MITF: variants seen among roughly 807,000 people sequenced by gnomAD.
MITF encodes the protein microphthalmia-associated transcription factor.
In MITF, 17 loss-of-function variants were observed where a neutral mutation model predicts 60.5. The observed-to-expected ratio is 0.28, with a 90% CI of 0.19 to 0.42. MITF has a LOEUF of 0.42. Among genes scored for constraint, MITF ranks in the 10% least tolerant of loss-of-function variants. The pLI is 1.00. For synonymous variants in MITF, 260 were observed against 248.5 expected, an observed-to-expected ratio of 1.05 and a Z score of -0.43; for missense variants, 622 against 683.5, an observed-to-expected ratio of 0.91 and a Z score of 1.00.
At chr3:69,906,242 A>G (rs182908797) in intron 2 of MITF, among the ~76,000 whole-genome samples, 252 of 152,066 alleles carry the variant, frequency 1.7e-3, no homozygotes, top group Non-Finnish European at 2.8e-3. Context: ...TTGCCTTTGT[A>G]TGTTTGTCAG....
chr3:69,837,111 C>T (rs568792606), intron 1 of MITF, among the ~76,000 whole-genome samples: 2 of 152,274 alleles, frequency 1.3e-5, no homozygotes, highest in South Asian at 2.1e-4. Context: ...ACTATTTGTC[C>T]CAGATATATC....
chr3:69,939,100 A>G lies in MITF; in HGVS notation c.585A>G (p.Gly195=), dbSNP rs1341232356. ...TGTTTTTGCTTGTGTTTTTGCAGGG[A>G]TTTTATAAGTTTGAAGAGCAAAACA... ...LTLNSNCEKE[G]FYKFEEQNRA... The change falls in exon 4 of 10, where the codon GGA becomes GGG. Residue 195 remains glycine, a splice_region_variant and synonymous_variant. Transcript: ENST00000352241. 1 of 1,613,824 alleles carries G rather than the reference A, an allele frequency of 6.2e-7. No individual in the cohort carries two copies. The highest frequency in any genetic ancestry group is 1.3e-5 in the African/African-American group (1 of 74,918).
At chr3:69,831,579 G>A (rs1056422903) in intron 1 of MITF, among the ~76,000 whole-genome samples, 7 of 152,032 alleles carry the variant, frequency 4.6e-5, no homozygotes. Flanking sequence ...CTTGATTTCC[G>A]GCAAGAGTTT....
At chr3:69,885,070 G>A (rs1299707127) in intron 2 of MITF, among the ~76,000 whole-genome samples, 1 of 152,004 alleles carries the variant, frequency 6.6e-6, no homozygotes, top group Non-Finnish European at 1.5e-5. Context: ...GCACAATCTG[G>A]GTTTTGTACA....
chr3:69,927,925 T>A (rs2065630906), intron 2 of MITF, among the ~76,000 whole-genome samples: 1 of 152,232 alleles, frequency 6.6e-6, no homozygotes, highest in Non-Finnish European at 1.5e-5. Flanking sequence ...TTGTTTTCAA[T>A]TTTTTTATTA....
intron 1 of MITF, among the ~76,000 whole-genome samples, chr3:69,768,408 A>G (rs1212802416): frequency 1.3e-5 from 2 of 152,226 alleles, no homozygotes; most frequent in Non-Finnish European, 2.9e-5. Flanking sequence ...AGCATCTAGA[A>G]TAAGGCATAT....
chr3:69,875,628 C>T (rs532417344), intron 1 of MITF, among the ~76,000 whole-genome samples: 3 of 152,226 alleles, frequency 2.0e-5, no homozygotes, highest in Non-Finnish European at 4.4e-5. Flanking sequence ...TCATTAGTAG[C>T]TTCAGCATCA....
chr3:69,821,676 G>GTAA (rs2063274213), intron 1 of MITF, among the ~76,000 whole-genome samples: 1 of 50,618 alleles, frequency 2.0e-5, no homozygotes, highest in African/African-American at 5.4e-5. Context: ...ATTTAGAAAA[G>GTAA]GAAAAAAAAA....
intron 2 of MITF, among the ~76,000 whole-genome samples, chr3:69,933,866 T>A (rs1333703679): frequency 6.6e-6 from 1 of 152,190 alleles, no homozygotes; most frequent in African/African-American, 2.4e-5. Context: ...TATTTAAAAA[T>A]TAATGAAAGC....
chr3:69,781,584 A>T (rs1333919811), intron 1 of MITF, among the ~76,000 whole-genome samples: 1 of 152,148 alleles, frequency 6.6e-6, no homozygotes, highest in Non-Finnish European at 1.5e-5. Context: ...CGTGTACAAA[A>T]TGTGGGAGTA....
At chr3:69,857,352 G>GCC (rs112664266) in intron 1 of MITF, among the ~76,000 whole-genome samples, 1 of 151,100 alleles carries the variant, frequency 6.6e-6, no homozygotes, top group Admixed American at 6.6e-5. Context: ...CTCAATCCCT[G>GCC]CCCCCCCCAG....
chr3:69,959,178 T>A (rs1026299372), intron 8 of MITF, 95 bp from the exon 9 acceptor site: 212 of 1,456,048 alleles, frequency 1.5e-4, no homozygotes, highest in Non-Finnish European at 1.8e-4. Flanking sequence ...AAAAAAATTT[T>A]AAAAAGTTCA....
intron 2 of MITF, among the ~76,000 whole-genome samples, chr3:69,920,767 G>A (rs2065448459): frequency 6.6e-6 from 1 of 152,170 alleles, no homozygotes; most frequent in African/African-American, 2.4e-5. Flanking sequence ...ATTTGTGGTA[G>A]TGGTTCCCCG....
intron 1 of MITF, among the ~76,000 whole-genome samples, chr3:69,742,691 A>T (rs1391488301): frequency 3.3e-5 from 5 of 152,206 alleles, no homozygotes; most frequent in Admixed American, 2.6e-4. Context: ...TCTTAAGAAC[A>T]TTAAGTGTGA....
At chr3:69,917,506 G>A (rs1186641814) in intron 2 of MITF, among the ~76,000 whole-genome samples, 2 of 151,632 alleles carry the variant, frequency 1.3e-5, no homozygotes, top group African/African-American at 4.9e-5. Flanking sequence ...AAATCAGAAG[G>A]CTTGGGGAAA....
chr3:69,739,744 G>T, intron 1 of MITF, 43 bp downstream of exon 1: 2 of 1,436,732 alleles, frequency 1.4e-6, no homozygotes, highest in Non-Finnish European at 1.9e-6. Context: ...GGCGGCTGGG[G>T]GGCACTGCGT....
At chr3:69,766,912 C>T (rs954161172) in intron 1 of MITF, among the ~76,000 whole-genome samples, 2 of 152,048 alleles carry the variant, frequency 1.3e-5, no homozygotes, top group Non-Finnish European at 2.9e-5. Context: ...GGATTTGGTC[C>T]CTGAAGCCCA....
chr3:69,843,821 G>A (rs1247076227), intron 1 of MITF, among the ~76,000 whole-genome samples: 1 of 152,054 alleles, frequency 6.6e-6, no homozygotes, highest in Non-Finnish European at 1.5e-5. Flanking sequence ...GTATACACAT[G>A]CCATGGTGGT....
At chr3:69,792,997 G>A (rs1001965727) in intron 1 of MITF, among the ~76,000 whole-genome samples, 1 of 54,834 alleles carries the variant, frequency 1.8e-5, no homozygotes, top group African/African-American at 6.7e-5. Flanking sequence ...AAAGTCTTTA[G>A]CTTTTTTTTT....
Sources: gnomAD v4.1 joint callset for allele counts (sites outside exome capture counted in the v4.1 genomes callset) on GRCh38, gnomAD v4.1.1 for gene constraint, MANE v1.5 for transcripts, NCBI Gene and HGNC (gene_info 2026-07-23, HGNC 2026-07-21) for gene names.